Variants in PIK3C3 observed in about 807,000 individuals in gnomAD.
PIK3C3 encodes PI3-kinase type 3.
Under a neutral mutation model 126.1 loss-of-function variants are expected in PIK3C3, and 95 were observed. The observed-to-expected ratio is 0.75, with a 90% CI of 0.64 to 0.89. The LOEUF (loss-of-function observed/expected upper bound fraction) is 0.89, where lower values mean the gene tolerates loss of function less well. PIK3C3 is among the 40% of genes least tolerant of loss of function. The pLI, the probability that PIK3C3 is intolerant of heterozygous loss-of-function variation, is 0.00. For synonymous variants in PIK3C3, 374 were observed against 360.0 expected (o/e 1.04, Z -0.44); for missense variants, 829 against 1,063.2 (o/e 0.78, Z 3.06).
rs570629684 is a variant in PIK3C3, at chr18:42,087,630, C to T, written c.*6493C>T. On this transcript the variant is annotated 3_prime_UTR_variant, in exon 25 of 25. Transcript: ENST00000262039. ...AGAAAAAAGCCTTACCGAGGACTCC[C>T]ATACCCTTGCTTTCTGCTTAAGTGA... The T allele has an allele frequency of 2.6e-5, 4 of 152,312 alleles. No homozygotes were observed. In the East Asian group the frequency reaches 7.7e-4, roughly 29 times the overall value. The allele number at this position is 152,312 out of a possible 1,614,324, so 9.4% of individuals were successfully genotyped here.
At chr18:42,006,463 A>G (rs887382816) in intron 10 of PIK3C3, among the ~76,000 whole-genome samples, 1 of 152,136 alleles carries the variant, frequency 6.6e-6, no homozygotes, top group Admixed American at 6.5e-5. Flanking sequence ...TCTGTTCCCC[A>G]GAGGTTGAGA....
intron 4 of PIK3C3, among the ~76,000 whole-genome samples, chr18:41,985,772 G>T (rs1981443261): frequency 6.6e-6 from 1 of 152,074 alleles, no homozygotes; most frequent in Admixed American, 6.6e-5. Flanking sequence ...ATTGAGATAG[G>T]TCATATTTGG....
intron 15 of PIK3C3, 143 bp from the exon 16 acceptor site, chr18:42,033,683 A>G (rs376908412): frequency 1.9e-5 from 10 of 515,346 alleles, no homozygotes; most frequent in African/African-American, 1.8e-4. Context: ...CTTGTCTCTC[A>G]CATACAACAC....
chr18:41,962,430 A>T, intron 2 of PIK3C3, 59 bp from the exon 3 acceptor site: 1 of 1,319,538 alleles, frequency 7.6e-7, no homozygotes, highest in Non-Finnish European at 9.8e-7. Context: ...TGGTTTGTTA[A>T]TTTAAAAGAA....
chr18:42,038,980 T>C (rs1474383600), intron 18 of PIK3C3, 130 bp downstream of exon 18: 9 of 608,010 alleles, frequency 1.5e-5, no homozygotes, highest in Non-Finnish European at 2.6e-5. Context: ...AGTTGGACCT[T>C]CCTGCCTGCT....
intron 24 of PIK3C3, among the ~76,000 whole-genome samples, chr18:42,070,734 G>A (rs1187078433): frequency 1.3e-5 from 2 of 152,104 alleles, no homozygotes; most frequent in Non-Finnish European, 2.9e-5. Context: ...CTACTGCAAG[G>A]GTTGGTAAAT....
At chr18:42,034,762 T>C (rs2144455416) in intron 16 of PIK3C3, among the ~76,000 whole-genome samples, 1 of 152,342 alleles carries the variant, frequency 6.6e-6, no homozygotes, top group South Asian at 2.1e-4. Flanking sequence ...TTTGTGATTC[T>C]AGTGGTAGAA....
chr18:42,000,933 G>C (rs1982259202), intron 9 of PIK3C3, among the ~76,000 whole-genome samples: 1 of 152,188 alleles, frequency 6.6e-6, no homozygotes. Flanking sequence ...CACCATATCA[G>C]TAAGGATATA....
chr18:41,968,092 C>G (rs1156635912), intron 3 of PIK3C3, among the ~76,000 whole-genome samples: 1 of 152,186 alleles, frequency 6.6e-6, no homozygotes, highest in Non-Finnish European at 1.5e-5. Flanking sequence ...CCATACCCTC[C>G]ACGTCCCCTA....
intron 2 of PIK3C3, among the ~76,000 whole-genome samples, chr18:41,958,430 T>C (rs1474704372): frequency 6.6e-6 from 1 of 152,194 alleles, no homozygotes; most frequent in Non-Finnish European, 1.5e-5. Flanking sequence ...ACAGGCTGTA[T>C]GCTTTTAAGG....
intron 10 of PIK3C3, among the ~76,000 whole-genome samples, chr18:42,009,684 T>C (rs191400199): frequency 3.4e-5 from 5 of 147,760 alleles, no homozygotes; most frequent in East Asian, 4.0e-4. Context: ...GCTTACATTA[T>C]GTAATGTACA....
At chr18:42,032,632 ATTTAT>A (rs1472003988) in intron 15 of PIK3C3, among the ~76,000 whole-genome samples, 1 of 143,798 alleles carries the variant, frequency 7.0e-6, no homozygotes, top group East Asian at 2.2e-4. Context: ...TATTTTATTT[ATTTAT>A]TTATTTATTT....
chr18:42,047,885 G>A (rs1311637543), intron 20 of PIK3C3, among the ~76,000 whole-genome samples: 1 of 152,004 alleles, frequency 6.6e-6, no homozygotes, highest in Non-Finnish European at 1.5e-5. Flanking sequence ...TCAAGGGTGA[G>A]TAAGACTTTT....
chr18:42,082,048 C>A lies in PIK3C3; in HGVS notation c.*911C>A, dbSNP rs1444141301. ...TGTAATATATTCTTTCTGAATTAAGCAAAATTTTTTTTGTCTTTTAAGACT... is the reference window on the plus strand; with the variant it reads ...TGTAATATATTCTTTCTGAATTAAGAAAAATTTTTTTTGTCTTTTAAGACT... On this transcript the variant is annotated 3_prime_UTR_variant, in exon 25 of 25. Coordinates refer to ENST00000262039, the MANE Select transcript of PIK3C3 (RefSeq NM_002647.4). 6.6e-6 allele frequency: 1 copy of A among 152,096 alleles called. No individual in the cohort carries two copies. Among genetic ancestry groups the A allele is most frequent in the African/African-American group, 2.4e-5 (1 of 41,426 alleles). The allele number at this position is 152,096 out of a possible 1,614,324, so 9.4% of individuals were successfully genotyped here. A position where few individuals can be genotyped will look rare whatever the true frequency, so the allele number is the denominator to read the frequency against.
At position 42,038,854 on chromosome 18, in the gene PIK3C3, A is replaced by G. The variant is rs749030295; in HGVS notation, c.2038+4A>G. The stretch of plus-strand genomic sequence containing the variant: ...TTAGCCACCAGTACAAAACATGGTA[A>G]GTGTATTTTACATCATTATTATTTA... On this transcript the variant is annotated splice_donor_region_variant and intron_variant, in intron 18 of 24. Coordinates refer to ENST00000262039, the MANE Select transcript of PIK3C3 (RefSeq NM_002647.4). The G allele has an allele frequency of 6.5e-7, 1 of 1,549,256 alleles. No homozygotes were observed. The highest frequency in any genetic ancestry group is 8.9e-7 in the Non-Finnish European group (1 of 1,127,308).
intron 10 of PIK3C3, among the ~76,000 whole-genome samples, chr18:42,005,814 A>C (rs139307946): frequency 1.4e-5 from 2 of 145,910 alleles, no homozygotes; most frequent in African/African-American, 4.9e-5. Flanking sequence ...TTAAACACTA[A>C]AGTAAATAGT....
At chr18:42,028,227 T>TA (rs60996133) in intron 14 of PIK3C3, among the ~76,000 whole-genome samples, 45 of 152,106 alleles carry the variant, frequency 3.0e-4, no homozygotes, top group African/African-American at 4.1e-4. Context: ...TGCATGGAAT[T>TA]AAAAAAAAGC....
intron 9 of PIK3C3, among the ~76,000 whole-genome samples, chr18:42,000,252 A>C (rs574048674): frequency 6.6e-6 from 1 of 152,066 alleles, no homozygotes; most frequent in African/African-American, 2.4e-5. Context: ...GGGTTTCACC[A>C]TGTTGGTCAG....
At chr18:42,005,070 A>G (rs1472799525) in intron 10 of PIK3C3, among the ~76,000 whole-genome samples, 1 of 152,216 alleles carries the variant, frequency 6.6e-6, no homozygotes, top group African/African-American at 2.4e-5. Context: ...ATCCTTGGAA[A>G]GCAAAGATTG....
Sources: gnomAD v4.1 joint callset for allele counts (sites outside exome capture counted in the v4.1 genomes callset) on GRCh38, gnomAD v4.1.1 for gene constraint, MANE v1.5 for transcripts, NCBI Gene and HGNC (gene_info 2026-07-23, HGNC 2026-07-21) for gene names.